The following PLCB4 variants were observed in gnomAD, a reference collection of about 807,000 sequenced individuals.
The protein encoded by PLCB4 is 1-phosphatidylinositol 4,5-bisphosphate phosphodiesterase beta-4.
In PLCB4, 77 loss-of-function variants were observed where a neutral mutation model predicts 178.8. The ratio of observed to expected loss-of-function variants is 0.43; its 90% CI spans 0.36 to 0.52. The LOEUF is 0.52. Among genes scored for constraint, PLCB4 ranks in the 20% least tolerant of loss-of-function variants. The pLI is 0.00. For synonymous variants in PLCB4, 496 were observed against 490.8 expected, an observed-to-expected ratio of 1.01 and a Z score of -0.14; for missense variants, 1,024 against 1,453.4, an observed-to-expected ratio of 0.70 and a Z score of 4.80.
At position 9,344,078 on chromosome 20, in the gene PLCB4, A is replaced by T. The variant is rs571210471; in HGVS notation, c.369+5041A>T. Among the ~76,000 whole-genome samples the T allele has an allele frequency of 2.6e-5, 4 of 152,248 alleles. No homozygotes were observed. The South Asian group carries it at 6.2e-4, about 24-fold the overall frequency. On this transcript the variant is annotated intron_variant, in intron 7 of 39. Coordinates refer to ENST00000378473, the MANE Select transcript of PLCB4 (RefSeq NM_001377142.1). ...GGGATGTTTTTAAAATGTAATTCAG[A>T]TCACATCACTCCACTGCTCAGAACC...
At chr20:9,107,905 A>G (rs1213558738) in intron 2 of PLCB4, among the ~76,000 whole-genome samples, 3 of 152,020 alleles carry the variant, frequency 2.0e-5, no homozygotes, top group Admixed American at 6.6e-5. Context: ...GGAGGGATGG[A>G]GGTGGTTTGA....
intron 2 of PLCB4, among the ~76,000 whole-genome samples, chr20:9,203,777 GTTTT>G (rs553691545): frequency 7.0e-4 from 71 of 101,672 alleles, no homozygotes; most frequent in African/African-American, 1.7e-3. Flanking sequence ...TGGGAATAGT[GTTTT>G]TTTTTTTTTT....
intron 1 of PLCB4, among the ~76,000 whole-genome samples, chr20:9,094,779 T>C (rs950792520): frequency 6.6e-6 from 1 of 152,170 alleles, no homozygotes; most frequent in Admixed American, 6.6e-5. Flanking sequence ...TGTTACTATG[T>C]CATAGATTAT....
intron 7 of PLCB4, among the ~76,000 whole-genome samples, chr20:9,356,024 G>A (rs2034784163): frequency 2.0e-5 from 3 of 152,176 alleles, no homozygotes; most frequent in Admixed American, 1.3e-4. Context: ...TTGTGGTTTT[G>A]ATTTGCATTT....
chr20:9,459,765 A>G lies in PLCB4; in HGVS notation c.3203A>G (p.Asn1068Ser), dbSNP rs763122670. 3.7e-6 allele frequency: 6 copies of G among 1,613,242 alleles called. No homozygotes were observed. In the East Asian group the frequency reaches 1.1e-4, roughly 30 times the overall value. ...QCELLKKLLINAHEQQTQQLK... is the reference protein window; with the variant it reads ...QCELLKKLLISAHEQQTQQLK... Reference sequence around the variant, plus strand: ...GAGCTGCTGAAAAAGCTACTCATCAATGCCCACGAGCAGCAAACCCAGCAG... The same window carrying G: ...GAGCTGCTGAAAAAGCTACTCATCAGTGCCCACGAGCAGCAAACCCAGCAG... The change falls in exon 35 of 40, where the codon AAT (asparagine) becomes AGT (serine). Residue 1068 changes from asparagine to serine, a missense_variant. Transcript: ENST00000378473.
At chr20:9,192,385 C>G (rs1047611250) in intron 2 of PLCB4, among the ~76,000 whole-genome samples, 4 of 152,054 alleles carry the variant, frequency 2.6e-5, no homozygotes, top group African/African-American at 9.7e-5. Context: ...GTCTTTGGCA[C>G]TTTATTCTTG....
Position 9,409,119 on chromosome 20 carries a change from A to G in PLCB4, c.1937A>G (p.Tyr646Cys). 1 of 1,608,318 alleles carries G rather than the reference A, an allele frequency of 6.2e-7. No homozygotes were observed. Among genetic ancestry groups the G allele is most frequent in the Non-Finnish European group, 8.5e-7 (1 of 1,178,530 alleles). The change falls in exon 24 of 40, where the codon TAC (tyrosine) becomes TGC (cysteine). Residue 646 changes from tyrosine (Y) to cysteine (C), a missense_variant. Tyr to Cys is a radical substitution (Grantham distance 194). Transcript: ENST00000378473. ...GGAGGCCGAGTCGATTCCAGTAATT[A>G]CATGCCTCAGATTTTCTGGAACGCT... The part of the protein sequence containing the change: ...PKGGRVDSSN[Y>C]MPQIFWNAGC...
At chr20:9,371,324 A>G (rs1394411241) in intron 10 of PLCB4, 29 bp downstream of exon 10, 3 of 1,233,788 alleles carry the variant, frequency 2.4e-6, no homozygotes, top group East Asian at 4.7e-5. Flanking sequence ...ATGTATTTCT[A>G]AAACCATTTT....
At chr20:9,386,892 CTTT>C (rs780599842) in intron 14 of PLCB4, among the ~76,000 whole-genome samples, 1 of 129,516 alleles carries the variant, frequency 7.7e-6, no homozygotes, top group Non-Finnish European at 1.6e-5. Context: ...CCAAATTGTC[CTTT>C]TTTTTTTTTT....
At chr20:9,153,752 G>A (rs2092733399) in intron 2 of PLCB4, among the ~76,000 whole-genome samples, 1 of 152,130 alleles carries the variant, frequency 6.6e-6, no homozygotes, top group South Asian at 2.1e-4. Context: ...GGAGGAATAA[G>A]GTGCATAGGT....
At chr20:9,217,811 G>A (rs575235264) in intron 3 of PLCB4, among the ~76,000 whole-genome samples, 2 of 152,294 alleles carry the variant, frequency 1.3e-5, no homozygotes, top group South Asian at 2.1e-4. Context: ...GTCCTGTGCA[G>A]ATTTTGCTTA....
chr20:9,102,198 G>C (rs1031669374), intron 2 of PLCB4, among the ~76,000 whole-genome samples: 8 of 152,124 alleles, frequency 5.3e-5, no homozygotes, highest in African/African-American at 1.9e-4. Context: ...TACAAAGATT[G>C]CGGTAACTGA....
At chr20:9,075,507 T>C (rs557173620) in intron 1 of PLCB4, among the ~76,000 whole-genome samples, 1 of 152,376 alleles carries the variant, frequency 6.6e-6, no homozygotes, top group East Asian at 1.9e-4. Context: ...TTTAGTTTTC[T>C]GGAAGGCCGG....
At chr20:9,208,396 C>T (rs2093636901) in intron 2 of PLCB4, among the ~76,000 whole-genome samples, 1 of 152,158 alleles carries the variant, frequency 6.6e-6, no homozygotes, top group South Asian at 2.1e-4. Flanking sequence ...TTACTATTTG[C>T]TTCTGACAGT....
intron 3 of PLCB4, among the ~76,000 whole-genome samples, chr20:9,234,423 G>A (rs771325615): frequency 2.6e-5 from 4 of 152,062 alleles, no homozygotes; most frequent in Non-Finnish European, 2.9e-5. Context: ...ATACATAGAG[G>A]TGGGTCACTC....
chr20:9,413,185 A>G lies in PLCB4; in HGVS notation c.2051+2097A>G, dbSNP rs187972056. Among the ~76,000 whole-genome samples the G allele has an allele frequency of 2.0e-5, 3 of 152,320 alleles. No homozygotes were observed. The East Asian group carries it at 5.8e-4, about 29-fold the overall frequency. ...GCTGTGCTCACTTCTGAAAACTTGC[A>G]GTGGCCCGGTGATGCTTGAAGCACT... On this transcript the variant is annotated intron_variant, in intron 25 of 39. Transcript: ENST00000378473.
At chr20:9,247,842 A>T (rs1448131206) in intron 3 of PLCB4, among the ~76,000 whole-genome samples, 1 of 152,174 alleles carries the variant, frequency 6.6e-6, no homozygotes, top group African/African-American at 2.4e-5. Flanking sequence ...GTAGGTGGAG[A>T]TAAAATGGGA....
At position 9,143,895 on chromosome 20, in the gene PLCB4, G is replaced by A. The variant is rs1180021321; in HGVS notation, c.-79+47553G>A. The stretch of plus-strand genomic sequence containing the variant: ...GCTTGCTGGGCTTCCTTCTGCAAAA[G>A]GGATCTTAATTTGGTTACCTGGTGG... On this transcript the variant is annotated intron_variant, in intron 2 of 39. Transcript: ENST00000378473. Among the ~76,000 whole-genome samples, 3 of 152,210 alleles carry A rather than the reference G, an allele frequency of 2.0e-5. No individual in the cohort carries two copies. The Middle Eastern group carries it at 0.01, about 518-fold the overall frequency.
chr20:9,222,831 T>A (rs1388465537), intron 3 of PLCB4, among the ~76,000 whole-genome samples: 1 of 152,182 alleles, frequency 6.6e-6, no homozygotes, highest in Non-Finnish European at 1.5e-5. Flanking sequence ...GGCCTTATTC[T>A]GTTTGAATAA....
Sources: gnomAD v4.1 joint callset for allele counts (sites outside exome capture counted in the v4.1 genomes callset) on GRCh38, gnomAD v4.1.1 for gene constraint, MANE v1.5 for transcripts, NCBI Gene and HGNC (gene_info 2026-07-23, HGNC 2026-07-21) for gene names.